Variants in MRE11 observed in about 807,000 individuals in gnomAD.
MRE11 encodes MRE11 double strand break repair nuclease, also known as double-strand break repair protein MRE11.
In MRE11, 62 loss-of-function variants were observed where a neutral mutation model predicts 91.7. The observed-to-expected ratio is 0.68, with a 90% confidence interval of 0.55 to 0.84. MRE11 has a LOEUF of 0.84. MRE11 is among the 40% of genes least tolerant of loss of function. The pLI is 0.00. For synonymous variants in MRE11, 273 were observed against 271.4 expected (o/e 1.01, Z -0.06); for missense variants, 796 against 852.9 (o/e 0.93, Z 0.83).
chr11:94,484,825 A>G (rs1947096872), intron 4 of MRE11, among the ~76,000 whole-genome samples: 1 of 152,250 alleles, frequency 6.6e-6, no homozygotes, highest in African/African-American at 2.4e-5. Context: ...TATCAGGGTC[A>G]TGAAAGACAA....
rs542127054 is a variant in MRE11 at position 94,424,252 on chromosome 11, T to C, written c.2071-4071A>G. 2.0e-5 allele frequency among the ~76,000 whole-genome samples: 3 copies of C among 152,250 alleles called. No individual in the cohort carries two copies. In the South Asian group the frequency reaches 6.2e-4, roughly 32 times the overall value. On this transcript the variant is annotated intron_variant, in intron 19 of 19. Transcript: ENST00000323929. The stretch of plus-strand genomic sequence containing the variant: ...AGCCAAAATTACAACACCAAAATAA[T>C]TCTGCCAATATACATCTCTGTGACA...
intron 12 of MRE11, among the ~76,000 whole-genome samples, chr11:94,459,809 CA>C (rs1946367280): frequency 6.6e-6 from 1 of 151,928 alleles, no homozygotes; most frequent in Non-Finnish European, 1.5e-5. Flanking sequence ...ATATGGAGTC[CA>C]AAAATGGCAG....
intron 18 of MRE11, among the ~76,000 whole-genome samples, chr11:94,433,352 T>C (rs1439202284): frequency 6.6e-6 from 1 of 152,210 alleles, no homozygotes; most frequent in African/African-American, 2.4e-5. Flanking sequence ...TCCAATACCT[T>C]TGTAGTGCTC....
At chr11:94,466,017 G>C (rs1048938313) in intron 10 of MRE11, among the ~76,000 whole-genome samples, 2 of 152,044 alleles carry the variant, frequency 1.3e-5, no homozygotes, top group Non-Finnish European at 2.9e-5. Context: ...GTTCTCTGTG[G>C]GCAGGTCAAG....
At chr11:94,481,075 G>A (rs1232484291) in intron 4 of MRE11, among the ~76,000 whole-genome samples, 2 of 152,136 alleles carry the variant, frequency 1.3e-5, no homozygotes, top group Non-Finnish European at 2.9e-5. Context: ...TTGGGAGGCC[G>A]AGGTGGGCAG....
chr11:94,482,430 A>G (rs1000309365), intron 4 of MRE11, among the ~76,000 whole-genome samples: 6 of 152,206 alleles, frequency 3.9e-5, no homozygotes, highest in African/African-American at 1.4e-4. Flanking sequence ...AGCAACAAAA[A>G]ATAAGAGTTT....
At chr11:94,479,825 C>A (rs1304719024) in intron 4 of MRE11, 64 bp from the exon 5 acceptor site, 1 of 1,307,784 alleles carries the variant, frequency 7.6e-7, no homozygotes, top group Non-Finnish European at 1.1e-6. Context: ...CTAAGATTCT[C>A]CTCCAAAATA....
intron 4 of MRE11, among the ~76,000 whole-genome samples, chr11:94,482,542 A>G (rs978825023): frequency 5.3e-5 from 8 of 152,254 alleles, no homozygotes; most frequent in African/African-American, 1.9e-4. Flanking sequence ...AACAACAGTG[A>G]GCAAAGAAAT....
At chr11:94,485,317 A>G (rs2135119238) in intron 4 of MRE11, among the ~76,000 whole-genome samples, 1 of 152,288 alleles carries the variant, frequency 6.6e-6, no homozygotes, top group Middle Eastern at 3.4e-3. Flanking sequence ...TATCATAAAT[A>G]GTCCCAAAGG....
chr11:94,453,147 T>C (rs1946158831), intron 14 of MRE11, among the ~76,000 whole-genome samples: 1 of 152,184 alleles, frequency 6.6e-6, no homozygotes. Flanking sequence ...TATTGTAGCA[T>C]GTATCAGAAT....
At position 94,464,104 on chromosome 11, in the gene MRE11, C is replaced by T. The variant is rs779810776; in HGVS notation, c.1225+9G>A. ...ACATTTTTTTACCTCATAAAAATAA[C>T]TAGCTTACCTGTTTTTTCCTTTTGT... On this transcript the variant is annotated intron_variant, in intron 11 of 19. Transcript: ENST00000323929. The T allele has an allele frequency of 1.2e-6, 2 of 1,611,760 alleles. No homozygotes were observed. The highest frequency in any genetic ancestry group is 1.9e-4 in the Middle Eastern group (1 of 5,234).
chr11:94,508,190 T>TC, the MRE11 span, among the ~76,000 whole-genome samples: 2 of 152,134 alleles, frequency 1.3e-5, no homozygotes, highest in South Asian at 4.1e-4. Context: ...CAAGCCATCC[T>TC]CCCGCCTCAG....
rs749526614 is a variant in MRE11 at position 94,464,238 on chromosome 11, A to C, written c.1100T>G (p.Val367Gly). 10 of 1,613,876 alleles carry C rather than the reference A, an allele frequency of 6.2e-6. No homozygotes were observed. Among genetic ancestry groups the C allele is most frequent in the Non-Finnish European group, 5.1e-6 (6 of 1,179,862 alleles). ...QPEKPLVRLR[V>G]DYSGGFEPFS... ...AGGTTCAAAACCTCCACTATAGTCCACCTGAAAACACAGAATAATCTATGA... is the reference window on the plus strand; with the variant it reads ...AGGTTCAAAACCTCCACTATAGTCCCCCTGAAAACACAGAATAATCTATGA... The change falls in exon 11 of 20, where the codon GTG becomes GGG. Residue 367 changes from valine to glycine, a missense_variant and splice_region_variant. Transcript: ENST00000323929.
chr11:94,481,711 TG>T (rs1262797020), intron 4 of MRE11, among the ~76,000 whole-genome samples: 1 of 152,226 alleles, frequency 6.6e-6, no homozygotes, highest in Non-Finnish European at 1.5e-5. Flanking sequence ...TACATGTATT[TG>T]AGGCTATTTC....
At chr11:94,461,839 G>A (rs1472593679) in intron 11 of MRE11, among the ~76,000 whole-genome samples, 1 of 152,178 alleles carries the variant, frequency 6.6e-6, no homozygotes, top group Admixed American at 6.5e-5. Flanking sequence ...ACTTTGAGAG[G>A]CCGAGGTGGG....
At chr11:94,492,358 A>C (rs1262041681) in intron 2 of MRE11, among the ~76,000 whole-genome samples, 1 of 152,168 alleles carries the variant, frequency 6.6e-6, no homozygotes, top group Non-Finnish European at 1.5e-5. Context: ...CAAAGTGCAC[A>C]TAACTTTTAC....
upstream of MRE11, chr11:94,497,931 A>T: frequency 1.5e-6 from 1 of 650,326 alleles, no homozygotes; most frequent in Non-Finnish European, 2.5e-6. Context: ...AAGAGATCTT[A>T]AATTATTTTC....
At chr11:94,464,320 C>G in intron 10 of MRE11, 81 bp from the exon 11 acceptor site, 1 of 1,568,734 alleles carries the variant, frequency 6.4e-7, no homozygotes, top group African/African-American at 1.4e-5. Flanking sequence ...CTTCAGTATT[C>G]ACAGTGTTTA....
At chr11:94,503,988 G>C in the MRE11 span, among the ~76,000 whole-genome samples, 1 of 152,088 alleles carries the variant, frequency 6.6e-6, no homozygotes, top group African/African-American at 2.4e-5. Flanking sequence ...GAATTCAGTG[G>C]GACATTCTCT....
Sources: gnomAD v4.1 joint callset for allele counts (sites outside exome capture counted in the v4.1 genomes callset) on GRCh38, gnomAD v4.1.1 for gene constraint, MANE v1.5 for transcripts, NCBI Gene and HGNC (gene_info 2026-07-23, HGNC 2026-07-21) for gene names.